Variants in SRGAP1 observed in about 807,000 individuals in gnomAD.
SRGAP1 encodes SLIT-ROBO Rho GTPase-activating protein 1.
A neutral mutation model predicts 121.9 loss-of-function variants in SRGAP1; 43 were observed. That is an observed-to-expected ratio of 0.35 (90% CI 0.28 to 0.46). SRGAP1 has a LOEUF of 0.46. Ranked by LOEUF, SRGAP1 falls within the 20% of genes least tolerant of loss-of-function variation. SRGAP1 has a pLI of 1.00. For missense variants in SRGAP1, 1,102 were observed against 1,350.9 expected, an observed-to-expected ratio of 0.82 and a Z score of 2.89; for synonymous variants, 447 against 485.4, an observed-to-expected ratio of 0.92 and a Z score of 1.04.
rs1470202743 is a variant in SRGAP1 at position 63,844,837 on chromosome 12, CAAG to C, written c.25_27del (p.Lys9del). On this transcript the variant is annotated inframe_deletion, in exon 1 of 22. Transcript: ENST00000355086. This position sits in a 1 kb window ranked among gnomAD's most constrained non-coding sequence, Gnocchi z 4.3. ...GGATAATGTCCACCCCGAGCCGATT[CAAG>C]AAGGACAAAGAGATCATAGCCGAGT... The C allele has an allele frequency of 1.9e-6, 3 of 1,614,042 alleles. No individual in the cohort carries two copies. Among genetic ancestry groups the C allele is most frequent in the Admixed American group, 1.7e-5 (1 of 59,996 alleles).
intron 6 of SRGAP1, among the ~76,000 whole-genome samples, chr12:64,046,349 T>C (rs2035129847): frequency 6.6e-6 from 1 of 152,142 alleles, no homozygotes; most frequent in Non-Finnish European, 1.5e-5. Flanking sequence ...CTGGGTTACA[T>C]TTTAAAGATT....
intron 8 of SRGAP1, among the ~76,000 whole-genome samples, chr12:64,067,242 A>G (rs989679770): frequency 5.9e-5 from 9 of 152,168 alleles, no homozygotes; most frequent in African/African-American, 2.2e-4. Context: ...CAGTGTCCTT[A>G]TAAACTTAGA....
At position 64,078,933 on chromosome 12, in the gene SRGAP1, T is replaced by A. The variant is rs774615027; in HGVS notation, c.1140T>A (p.Thr380=). 1.2e-6 allele frequency: 2 copies of A among 1,613,608 alleles called. No homozygotes were observed. Among genetic ancestry groups the A allele is most frequent in the Non-Finnish European group, 1.7e-6 (2 of 1,179,952 alleles). Residue 380 remains threonine (T), a synonymous_variant, in exon 9 of 22, where the codon ACT becomes ACA. Transcript: ENST00000355086. ...TCTATTCCCAGGTTAAGAAAACGAC[T>A]GAAGCCACCTTGCAGACGATACAAG... ...KIENEEVKKT[T]EATLQTIQDM... is the part of the protein sequence containing the mutation.
intron 4 of SRGAP1, chr12:64,032,421 C>T: frequency 1.5e-6 from 1 of 648,226 alleles, no homozygotes; most frequent in East Asian, 3.0e-5. Flanking sequence ...TCAGTCAGAT[C>T]TCTGGGCTGA....
chr12:64,031,728 G>A (rs1175298364), intron 4 of SRGAP1, among the ~76,000 whole-genome samples: 1 of 152,220 alleles, frequency 6.6e-6, no homozygotes, highest in Non-Finnish European at 1.5e-5. Flanking sequence ...GCACCCAGAA[G>A]TTATGTGATC....
At chr12:64,127,839 C>T (rs1467209053) in intron 20 of SRGAP1, 22 bp from the exon 21 acceptor site, 3 of 1,602,148 alleles carry the variant, frequency 1.9e-6, no homozygotes, top group African/African-American at 1.3e-5. Flanking sequence ...TCTGTTTTCT[C>T]CCTGTTTCTG....
intron 16 of SRGAP1, among the ~76,000 whole-genome samples, chr12:64,109,963 C>A (rs889240022): frequency 6.6e-6 from 1 of 152,152 alleles, no homozygotes; most frequent in African/African-American, 2.4e-5. Flanking sequence ...GAGAACCATA[C>A]AGAATGAGAC....
chr12:63,911,096 G>A (rs111744137), intron 1 of SRGAP1, among the ~76,000 whole-genome samples: 3,056 of 152,048 alleles, frequency 0.02, 114 homozygotes, highest in African/African-American at 0.068. Context: ...TCAGGAGATC[G>A]AGATCATCCT....
At chr12:63,860,495 A>G in intron 1 of SRGAP1, among the ~76,000 whole-genome samples, 1 of 152,172 alleles carries the variant, frequency 6.6e-6, no homozygotes, top group South Asian at 2.1e-4. Context: ...AGTAGAACTC[A>G]TCTGCAAAGT....
At chr12:63,859,562 C>G (rs955233908) in intron 1 of SRGAP1, among the ~76,000 whole-genome samples, 1 of 152,160 alleles carries the variant, frequency 6.6e-6, no homozygotes, top group East Asian at 1.9e-4. Flanking sequence ...ATTTATTGTT[C>G]TTTACCTATT....
At chr12:64,004,718 A>G (rs1212083957) in intron 3 of SRGAP1, among the ~76,000 whole-genome samples, 3 of 152,066 alleles carry the variant, frequency 2.0e-5, no homozygotes, top group African/African-American at 7.2e-5. Flanking sequence ...ATCCTTACCC[A>G]TTTTTCTCAT....
chr12:63,961,210 G>A (rs566885579), intron 1 of SRGAP1, among the ~76,000 whole-genome samples: 39 of 152,266 alleles, frequency 2.6e-4, no homozygotes, highest in Non-Finnish European at 4.6e-4. Flanking sequence ...ATAGCCACAC[G>A]CAGCCAGAGC....
chr12:64,141,284 A>G (rs1253219694), intron 21 of SRGAP1, among the ~76,000 whole-genome samples: 1 of 123,368 alleles, frequency 8.1e-6, no homozygotes, highest in Non-Finnish European at 1.7e-5. Flanking sequence ...AAAAAAAAAA[A>G]AAAAAAGAAA....
intron 4 of SRGAP1, among the ~76,000 whole-genome samples, chr12:64,038,367 T>C (rs2034943562): frequency 6.6e-6 from 1 of 152,132 alleles, no homozygotes; most frequent in Admixed American, 6.5e-5. Context: ...CAATTTGGCA[T>C]CCATGACGAC....
At chr12:64,033,668 A>G (rs1308996977) in intron 4 of SRGAP1, among the ~76,000 whole-genome samples, 1 of 152,014 alleles carries the variant, frequency 6.6e-6, no homozygotes, top group Non-Finnish European at 1.5e-5. Context: ...CAGTGAGCCG[A>G]GCTCATGACA....
At chr12:64,139,874 G>C (rs1424494635) in intron 21 of SRGAP1, among the ~76,000 whole-genome samples, 2 of 151,994 alleles carry the variant, frequency 1.3e-5, no homozygotes, top group Non-Finnish European at 2.9e-5. Context: ...TATGGTTTTA[G>C]GTCTAATGTT....
At chr12:64,072,106 CTCTGTG>C (rs1191384800) in intron 8 of SRGAP1, among the ~76,000 whole-genome samples, 38 of 37,804 alleles carry the variant, frequency 1.0e-3, no homozygotes, top group African/African-American at 2.5e-3. Context: ...CCCAATCTCT[CTCTGTG>C]TGTGTGTGTG....
rs2136657203 is a variant in SRGAP1, at chr12:64,143,985, CTTTTTG to C, written c.*1314_*1319del. 1 of 152,312 alleles carries C rather than the reference CTTTTTG, an allele frequency of 6.6e-6. No homozygotes were observed. The highest frequency in any genetic ancestry group is 2.4e-5 in the African/African-American group (1 of 41,546). The allele number at this position is 152,312 out of a possible 1,614,324, so 9.4% of individuals were successfully genotyped here. On this transcript the variant is annotated 3_prime_UTR_variant, in exon 22 of 22. Transcript: ENST00000355086. ...CTTCTTTTTCTTTGTCCCTTTTCCCCTTTTTGGTTTTGGTTTTGTATGTGGGCTCTA... is the reference window on the plus strand; with the variant it reads ...CTTCTTTTTCTTTGTCCCTTTTCCCCGTTTTGGTTTTGTATGTGGGCTCTA...
At chr12:64,110,830 TTTC>T (rs2036419927) in intron 16 of SRGAP1, among the ~76,000 whole-genome samples, 2 of 152,114 alleles carry the variant, frequency 1.3e-5, no homozygotes. Context: ...GACTATCTTA[TTTC>T]CAAAAAAAGG....
Sources: allele counts gnomAD v4.1 joint callset (sites outside exome capture counted in the v4.1 genomes callset), GRCh38; gene constraint gnomAD v4.1.1; non-coding constraint Gnocchi (gnomAD v3.1); transcripts MANE v1.5; gene names NCBI Gene and HGNC (gene_info 2026-07-23, HGNC 2026-07-21).